The following COL16A1 variants were observed in gnomAD, a reference collection of about 807,000 sequenced individuals.
COL16A1 encodes collagen type XVI alpha 1 chain.
Under a neutral mutation model 266.3 loss-of-function variants are expected in COL16A1, and 189 were observed. That is an observed-to-expected ratio of 0.71 (90% confidence interval 0.63 to 0.80). The LOEUF is 0.80. COL16A1 is among the 30% of genes least tolerant of loss of function. The pLI is 0.00. For missense variants in COL16A1, 1,928 were observed against 2,122.4 expected (o/e 0.91, Z 1.80); for synonymous variants, 740 against 782.3 (o/e 0.95, Z 0.90).
At position 31,668,896 on chromosome 1, in the gene COL16A1, T is replaced by TGCCCC; in HGVS notation, c.3196-42_3196-41insGGGGC. 7 of 1,569,702 alleles carry TGCCCC rather than the reference T, an allele frequency of 4.5e-6. No homozygotes were observed. Among genetic ancestry groups the TGCCCC allele is most frequent in the Non-Finnish European group, 3.5e-6 (4 of 1,150,110 alleles). On this transcript the variant is annotated intron_variant, in intron 49 of 70. Transcript: ENST00000373672. The surrounding 1 kb of genome is among the most constrained non-coding windows in gnomAD (Gnocchi z 5.8). ...CATGAGAAACTGCAGGAGCCGGCGG[T>TGCCCC]CCCCACCCAGCCCCTGACTCCTTCC...
chr1:31,700,595 T>C (rs1644690479), intron 2 of COL16A1, among the ~76,000 whole-genome samples: 1 of 152,246 alleles, frequency 6.6e-6, no homozygotes, highest in African/African-American at 2.4e-5. Context: ...GTGTGTTATG[T>C]ACAATTATAT....
At chr1:31,693,912 T>C (rs1644384314) in intron 12 of COL16A1, among the ~76,000 whole-genome samples, 1 of 152,202 alleles carries the variant, frequency 6.6e-6, no homozygotes, top group South Asian at 2.1e-4. Context: ...TAAGTGTGCA[T>C]AGGTGTGGCC....
rs372854054 is a variant in COL16A1 at position 31,671,634 on chromosome 1, G to T, written c.3131C>A (p.Pro1044Gln). The T allele has an allele frequency of 6.2e-7, 1 of 1,613,968 alleles. No homozygotes were observed. The highest frequency in any genetic ancestry group is 1.3e-5 in the African/African-American group (1 of 75,010). Residue 1044 changes from proline (P) to glutamine (Q), a missense_variant, in exon 48 of 71, where the codon CCG becomes CAG. Transcript: ENST00000373672. ...ACTTACGATAGGGCCTGGAGGACCCGGGGAGCCCCTCATGCCAGGCGGACC... is the reference window on the plus strand; with the variant it reads ...ACTTACGATAGGGCCTGGAGGACCCTGGGAGCCCCTCATGCCAGGCGGACC... The part of the protein sequence containing the change: ...EEGPPGMRGS[P>Q]GPPGPIGPPG...
At chr1:31,687,669 G>C (rs1347946389) in intron 26 of COL16A1, among the ~76,000 whole-genome samples, 1 of 151,814 alleles carries the variant, frequency 6.6e-6, no homozygotes, top group Non-Finnish European at 1.5e-5. Context: ...GAGGACGACC[G>C]CAAGGCTGGG....
In COL16A1 at chr1:31,700,032, G is replaced by A; in HGVS notation, c.148+9C>T. 2 of 1,614,074 alleles carry A rather than the reference G, an allele frequency of 1.2e-6. No individual in the cohort carries two copies. Among genetic ancestry groups the A allele is most frequent in the Non-Finnish European group, 1.7e-6 (2 of 1,179,970 alleles). ...CAGGGACGGCGCGATGAGATGGTTGGGTGCTCACCAGTCACGTTGGCTGGC... is the reference window on the plus strand; with the variant it reads ...CAGGGACGGCGCGATGAGATGGTTGAGTGCTCACCAGTCACGTTGGCTGGC... On this transcript the variant is annotated intron_variant, in intron 3 of 70. Transcript: ENST00000373672.
At chr1:31,691,280 G>A (rs972173312) in intron 19 of COL16A1, 54 bp from the exon 20 acceptor site, 61 of 1,607,096 alleles carry the variant, frequency 3.8e-5, no homozygotes, top group Middle Eastern at 1.7e-4. Flanking sequence ...TCGCTACAGC[G>A]AGATCTTCTA....
intron 59 of COL16A1, 76 bp from the exon 60 acceptor site, chr1:31,661,534 C>T: frequency 6.2e-7 from 1 of 1,613,184 alleles, no homozygotes; most frequent in Non-Finnish European, 8.5e-7. Context: ...TTCCTCAGTT[C>T]AAACAATTCA....
intron 47 of COL16A1, 54 bp from the exon 48 acceptor site, chr1:31,671,713 C>T (rs890239309): frequency 6.2e-7 from 1 of 1,610,406 alleles, no homozygotes; most frequent in African/African-American, 1.3e-5. Flanking sequence ...CATAGAGCCC[C>T]TGGGATTCCA....
At chr1:31,672,317 A>C (rs1265172620) in intron 47 of COL16A1, 99 bp downstream of exon 47, 2 of 1,352,678 alleles carry the variant, frequency 1.5e-6, no homozygotes, top group South Asian at 1.3e-5. Flanking sequence ...AGAGTGGTAA[A>C]GGGCATCAGT....
Position 31,665,243 on chromosome 1 carries a change from A to G in COL16A1, c.3493-9T>C. On this transcript the variant is annotated splice_polypyrimidine_tract_variant and intron_variant, in intron 55 of 70. Transcript: ENST00000373672. ...GGGAATCCAGGGGGACCCTGTATCAACAAAGGGGCAGGCAGGAATGAAAGT... is the reference window on the plus strand; with the variant it reads ...GGGAATCCAGGGGGACCCTGTATCAGCAAAGGGGCAGGCAGGAATGAAAGT... The G allele has an allele frequency of 6.3e-7, 1 of 1,590,062 alleles. No homozygotes were observed. The highest frequency in any genetic ancestry group is 8.5e-7 in the Non-Finnish European group (1 of 1,173,818).
intron 26 of COL16A1, among the ~76,000 whole-genome samples, chr1:31,687,458 C>G (rs138700668): frequency 6.6e-6 from 1 of 150,596 alleles, no homozygotes; most frequent in African/African-American, 2.4e-5. Flanking sequence ...AGGTGAAAAC[C>G]GGACTGCTGC....
chr1:31,675,405 C>T (rs897774724), intron 42 of COL16A1, 94 bp from the exon 43 acceptor site: 16 of 1,533,036 alleles, frequency 1.0e-5, no homozygotes, highest in African/African-American at 1.4e-5. Context: ...TCCTCTTCCC[C>T]TTGTCCTGCA....
At chr1:31,662,795 T>G in intron 56 of COL16A1, 137 bp from the exon 57 acceptor site, 1 of 825,478 alleles carries the variant, frequency 1.2e-6, no homozygotes, top group African/African-American at 1.7e-5. Context: ...GGGCCCAATC[T>G]GTCCCTGTCT....
intron 62 of COL16A1, among the ~76,000 whole-genome samples, chr1:31,659,430 A>G (rs115726266): frequency 1.9e-4 from 29 of 152,264 alleles, no homozygotes; most frequent in African/African-American, 6.7e-4. Flanking sequence ...CATAGTGACA[A>G]GGAGCTAACA....
rs41312022 is a variant in COL16A1, at chr1:31,668,290, G to A, written c.3250-72C>T. 0.024 allele frequency: 36,391 copies of A among 1,517,208 alleles called. 527 individuals carry two copies. The highest frequency in any genetic ancestry group is 0.046 in the Middle Eastern group (273 of 5,894). 94.0% of individuals were successfully genotyped at this position (1,517,208 alleles called of 1,614,324 possible). On this transcript the variant is annotated intron_variant, in intron 50 of 70. Coordinates refer to ENST00000373672, the MANE Select transcript of COL16A1 (RefSeq NM_001856.4). The surrounding 1 kb of genome is among the most constrained non-coding windows in gnomAD (Gnocchi z 5.8). The stretch of plus-strand genomic sequence containing the variant: ...TCTCCCCTCGCTGGGTAAGAGGATG[G>A]CCAAAGCTAAAACCTCTGGGGCTGC...
In COL16A1 at chr1:31,670,380, C is replaced by T. The variant is rs1030707974; in HGVS notation, c.3195+222G>A. ...AAGAGAGAGAAGAGGAGAGAAAGAA[C>T]GCAGGAGAGGAGGGAGAGGAGAAAA... On this transcript the variant is annotated intron_variant, in intron 49 of 70. Coordinates refer to ENST00000373672, the MANE Select transcript of COL16A1 (RefSeq NM_001856.4). This position sits in a 1 kb window ranked among gnomAD's most constrained non-coding sequence, Gnocchi z 4.5. 16 of 465,052 alleles carry T rather than the reference C, an allele frequency of 3.4e-5. No homozygotes were observed. The highest frequency in any genetic ancestry group is 1.3e-4 in the Admixed American group (3 of 22,854). The allele number at this position is 465,052 out of a possible 1,614,324, so 28.8% of individuals were successfully genotyped here. A position where few individuals can be genotyped will look rare whatever the true frequency, so the allele number is the denominator to read the frequency against.
chr1:31,654,461 C>T (rs917787885), intron 68 of COL16A1, among the ~76,000 whole-genome samples: 2 of 123,050 alleles, frequency 1.6e-5, no homozygotes, highest in African/African-American at 5.0e-5. Flanking sequence ...TTCAAATAAA[C>T]CACCCCAGCC....
intron 67 of COL16A1, 127 bp from the exon 68 acceptor site, chr1:31,654,985 T>G (rs1362174272): frequency 4.3e-6 from 6 of 1,411,186 alleles, no homozygotes; most frequent in Non-Finnish European, 5.6e-6. Flanking sequence ...TTTTTTTTTT[T>G]TTTTTTTTTT....
chr1:31,689,496 G>A (rs1235008609), intron 23 of COL16A1: 11 of 572,112 alleles, frequency 1.9e-5, no homozygotes, highest in South Asian at 1.1e-4. Flanking sequence ...TGCCCAAAAG[G>A]CACCCTAGAG....
Sources: gnomAD v4.1 joint callset for allele counts (sites outside exome capture counted in the v4.1 genomes callset) on GRCh38, gnomAD v4.1.1 for gene constraint, Gnocchi (gnomAD v3.1) non-coding constraint, MANE v1.5 for transcripts, NCBI Gene and HGNC (gene_info 2026-07-23, HGNC 2026-07-21) for gene names.